Variants in TINCR observed in about 807,000 individuals in gnomAD.
The protein encoded by TINCR is TINCR-encoded ubiquitin-like protein.
In TINCR at chr19:5,565,594, G is replaced by C. The variant is rs117030331; in HGVS notation, c.260+2071C>G. Among the ~76,000 whole-genome samples the C allele has an allele frequency of 6.6e-6, 1 of 151,988 alleles. No individual in the cohort carries two copies. Among genetic ancestry groups the C allele is most frequent in the African/African-American group, 2.4e-5 (1 of 41,386 alleles). On this transcript the variant is annotated intron_variant, in intron 1 of 1. Transcript: ENST00000646160. The surrounding 1 kb of genome is among the most constrained non-coding windows in gnomAD (Gnocchi z 4.0). The stretch of plus-strand genomic sequence containing the variant: ...CAGACCTCATAGAAGGTACGCTGCC[G>C]AGAACACCCTCTCCTAGCCCCAAGC...
chr19:5,567,923 A>G (rs2052140773), exon 1 of TINCR: 1 of 379,052 alleles, frequency 2.6e-6, no homozygotes, highest in Non-Finnish European at 4.7e-6. Flanking sequence ...CAGCCCCTCC[A>G]TGGCGCCCGC....
At position 5,565,594 on chromosome 19, in the gene TINCR, G is replaced by A. The variant is rs117030331; in HGVS notation, c.260+2071C>T. 0.015 allele frequency among the ~76,000 whole-genome samples: 2,265 copies of A among 152,102 alleles called. 33 individuals carry two copies. The highest frequency in any genetic ancestry group is 0.02 in the Non-Finnish European group (1,377 of 67,982). ...CAGACCTCATAGAAGGTACGCTGCC[G>A]AGAACACCCTCTCCTAGCCCCAAGC... On this transcript the variant is annotated intron_variant, in intron 1 of 1. Coordinates refer to ENST00000646160, the Ensembl canonical transcript of TINCR. The surrounding 1 kb of genome is among the most constrained non-coding windows in gnomAD (Gnocchi z 4.0).
chr19:5,566,120 G>T (rs2052127175), intron 1 of TINCR, among the ~76,000 whole-genome samples: 1 of 152,214 alleles, frequency 6.6e-6, no homozygotes, highest in South Asian at 2.1e-4. Flanking sequence ...ACTGGAGTGG[G>T]GCTGTGGGAA....
chr19:5,562,766 C>T lies in TINCR; in HGVS notation c.*81G>A, dbSNP rs375162648. 2.6e-5 allele frequency: 4 copies of T among 152,478 alleles called. No individual in the cohort carries two copies. The highest frequency in any genetic ancestry group is 3.9e-4 in the East Asian group (2 of 5,182). The allele number at this position is 152,478 out of a possible 1,614,324, so 9.4% of individuals were successfully genotyped here. A position where few individuals can be genotyped will look rare whatever the true frequency, so the allele number is the denominator to read the frequency against. On this transcript the variant is annotated 3_prime_UTR_variant, in exon 2 of 2. Coordinates refer to ENST00000646160, the Ensembl canonical transcript of TINCR. This position sits in a 1 kb window ranked among gnomAD's most constrained non-coding sequence, Gnocchi z 4.4. ...TCCCAGACTCAAGCGATTCTCTTGC[C>T]TCAGCCTCCCCAGTAGCTGGGATTA...
chr19:5,566,665 CACAT>C (rs1314029315), intron 1 of TINCR, among the ~76,000 whole-genome samples: 1 of 150,894 alleles, frequency 6.6e-6, no homozygotes, highest in Non-Finnish European at 1.5e-5. Context: ...GAGAGACACA[CACAT>C]ACACAGACAC....
At chr19:5,558,181 G>A (rs919757463), downstream of TINCR, 6 of 152,278 alleles carry the variant, frequency 3.9e-5, no homozygotes, top group African/African-American at 1.4e-4. Context: ...TTTCAAACAT[G>A]TAATCTTTTA....
At chr19:5,567,776 C>T (rs1223651268) in exon 1 of TINCR, 1 of 394,312 alleles carries the variant, frequency 2.5e-6, no homozygotes, top group African/African-American at 2.1e-5. Flanking sequence ...CTTCCAGGAG[C>T]TCACGCCCTG....
At chr19:5,566,668 A>C (rs1240827805) in intron 1 of TINCR, among the ~76,000 whole-genome samples, 1 of 151,942 alleles carries the variant, frequency 6.6e-6, no homozygotes, top group Non-Finnish European at 1.5e-5. Context: ...AGACACACAC[A>C]TACACAGACA....
chr19:5,562,210 A>G (rs1165732228), downstream of TINCR: 3 of 152,614 alleles, frequency 2.0e-5, no homozygotes, highest in Non-Finnish European at 2.9e-5. The surrounding 1 kb of genome is among the most constrained non-coding windows in gnomAD (Gnocchi z 4.4). Flanking sequence ...AACCCAGACT[A>G]CCTGAAAGAG....
At chr19:5,566,322 G>A (rs997819771) in intron 1 of TINCR, among the ~76,000 whole-genome samples, 11 of 150,986 alleles carry the variant, frequency 7.3e-5, no homozygotes, top group Non-Finnish European at 4.4e-5. Context: ...AATACACAGC[G>A]GGAAGAGACA....
chr19:5,567,187 T>C (rs902483615), intron 1 of TINCR, among the ~76,000 whole-genome samples: 1 of 142,266 alleles, frequency 7.0e-6, no homozygotes, highest in African/African-American at 2.7e-5. Context: ...AGATAAGAGA[T>C]GGAGATGAGA....
intron 1 of TINCR, among the ~76,000 whole-genome samples, chr19:5,564,955 C>T (rs980921865): frequency 8.5e-5 from 13 of 152,134 alleles, no homozygotes; most frequent in African/African-American, 3.1e-4. Context: ...CTCCTGTCTC[C>T]AGCCCTCCCC....
exon 1 of TINCR, chr19:5,567,703 C>A: frequency 2.7e-6 from 1 of 369,990 alleles, no homozygotes; most frequent in Non-Finnish European, 4.8e-6. Context: ...AGCCGTCCTG[C>A]AGGCGCGCGT....
intron 1 of TINCR, among the ~76,000 whole-genome samples, chr19:5,566,078 C>T (rs1478657650): frequency 1.3e-5 from 2 of 152,108 alleles, no homozygotes. Context: ...TTTGGGGACC[C>T]AGATATCCAA....
intron 1 of TINCR, among the ~76,000 whole-genome samples, chr19:5,566,890 G>A (rs2052132686): frequency 6.6e-6 from 1 of 151,642 alleles, no homozygotes; most frequent in South Asian, 2.1e-4. Context: ...GGGAGACAGA[G>A]ATGAGGGAGA....
chr19:5,564,400 G>C (rs566667395), intron 1 of TINCR, among the ~76,000 whole-genome samples: 3 of 152,292 alleles, frequency 2.0e-5, no homozygotes, highest in Admixed American at 2.0e-4. Context: ...GCCCAGAGAG[G>C]GTGGGTTAGC....
rs1366463579 is a variant in TINCR at position 5,563,655 on chromosome 19, G to A, written c.261-706C>T. ...CCCGGCCAGGCACGGTGGCTCACGC[G>A]TGTAATCCCAGCACTTTGGGAGGCT... On this transcript the variant is annotated intron_variant, in intron 1 of 1. Coordinates refer to ENST00000646160, the Ensembl canonical transcript of TINCR. This position sits in a 1 kb window ranked among gnomAD's most constrained non-coding sequence, Gnocchi z 4.7. Among the ~76,000 whole-genome samples, 3 of 151,978 alleles carry A rather than the reference G, an allele frequency of 2.0e-5. No homozygotes were observed. Among genetic ancestry groups the A allele is most frequent in the African/African-American group, 2.4e-5 (1 of 41,364 alleles).
At chr19:5,566,642 A>G (rs950719841) in intron 1 of TINCR, among the ~76,000 whole-genome samples, 7 of 152,052 alleles carry the variant, frequency 4.6e-5, no homozygotes, top group African/African-American at 7.2e-5. Flanking sequence ...AAAGAGACAG[A>G]GAGACAGGGA....
At chr19:5,567,308 A>T (rs2052135358) in intron 1 of TINCR, among the ~76,000 whole-genome samples, 1 of 152,092 alleles carries the variant, frequency 6.6e-6, no homozygotes, top group Non-Finnish European at 1.5e-5. Context: ...GATAAGAGTC[A>T]GAGACAAGAG....
Sources: gnomAD v4.1 joint callset for allele counts (sites outside exome capture counted in the v4.1 genomes callset) on GRCh38, gnomAD v4.1.1 for gene constraint, Gnocchi (gnomAD v3.1) non-coding constraint, MANE v1.5 for transcripts, NCBI Gene and HGNC (gene_info 2026-07-23, HGNC 2026-07-21) for gene names.